The following YEATS4 variants were observed in gnomAD, a reference collection of about 807,000 sequenced individuals.
YEATS4 encodes the protein YEATS domain-containing protein 4.
A neutral mutation model predicts 30.1 loss-of-function variants in YEATS4; 17 were observed. The ratio of observed to expected loss-of-function variants is 0.56; its 90% CI spans 0.39 to 0.85. The LOEUF (loss-of-function observed/expected upper bound fraction) is 0.85. YEATS4 is among the 40% of genes least tolerant of loss of function. The pLI, the probability that YEATS4 is intolerant of heterozygous loss-of-function variation, is 0.00. For missense variants in YEATS4, 142 were observed against 268.3 expected (o/e 0.53, Z 3.29); for synonymous variants, 85 against 87.5 (o/e 0.97, Z 0.16).
the YEATS4 span, among the ~76,000 whole-genome samples, chr12:69,425,269 G>T: frequency 1.1e-4 from 16 of 152,168 alleles, no homozygotes; most frequent in Non-Finnish European, 7.4e-5. Flanking sequence ...TCGGAGGCCA[G>T]AGACTCTGTT....
At chr12:69,421,499 G>A in the YEATS4 span, among the ~76,000 whole-genome samples, 1 of 152,052 alleles carries the variant, frequency 6.6e-6, no homozygotes, top group Non-Finnish European at 1.5e-5. Context: ...AGGAATCTAG[G>A]AGAACCAGGA....
chr12:69,366,729 T>G (rs924359144), intron 4 of YEATS4, among the ~76,000 whole-genome samples: 1 of 152,200 alleles, frequency 6.6e-6, no homozygotes, highest in Non-Finnish European at 1.5e-5. Flanking sequence ...CACATCAGTC[T>G]TTTAGCACCA....
At chr12:69,411,051 G>A in the YEATS4 span, among the ~76,000 whole-genome samples, 6 of 152,332 alleles carry the variant, frequency 3.9e-5, no homozygotes, top group East Asian at 1.2e-3. Flanking sequence ...GCATAAGCAT[G>A]CAAGTGTGTA....
the YEATS4 span, among the ~76,000 whole-genome samples, chr12:69,402,725 C>CTTTTTTTTTTTTT: frequency 1.1e-4 from 13 of 113,114 alleles, no homozygotes; most frequent in Non-Finnish European, 1.5e-4. Flanking sequence ...TCTTTCTTTT[C>CTTTTTTTTTTTTT]TTTTTTTTTT....
chr12:69,377,452 G>GA (rs146041012), intron 6 of YEATS4, among the ~76,000 whole-genome samples: 35,575 of 151,430 alleles, frequency 0.23, 4,987 homozygotes, highest in African/African-American at 0.4. Flanking sequence ...TGGAGCTGGG[G>GA]ATCTCGCTGT....
chr12:69,362,013 G>GTTTTTGTTTTTTTTTTTTTT (rs1555174243), intron 1 of YEATS4, among the ~76,000 whole-genome samples: 32 of 69,070 alleles, frequency 4.6e-4, no homozygotes, highest in Non-Finnish European at 6.6e-4. Flanking sequence ...GTGTTTGGTT[G>GTTTTTGTTTTTTTTTTTTTT]TTTTTTTTTT....
intron 6 of YEATS4, among the ~76,000 whole-genome samples, chr12:69,388,083 A>T (rs928051061): frequency 2.0e-5 from 3 of 149,962 alleles, no homozygotes; most frequent in African/African-American, 7.4e-5. Flanking sequence ...TTTGAGGCAG[A>T]GTCTCGCGCT....
At chr12:69,425,507 T>C in the YEATS4 span, among the ~76,000 whole-genome samples, 1 of 152,184 alleles carries the variant, frequency 6.6e-6, no homozygotes, top group Non-Finnish European at 1.5e-5. Flanking sequence ...ACCTCAGGCA[T>C]GGCCTCCATT....
At chr12:69,406,007 A>T in the YEATS4 span, among the ~76,000 whole-genome samples, 1 of 152,206 alleles carries the variant, frequency 6.6e-6, no homozygotes, top group Non-Finnish European at 1.5e-5. Flanking sequence ...CCTATGTTCC[A>T]CTATATGAAT....
At chr12:69,362,014 T>TTTTTGTTTTG (rs1491396701) in intron 1 of YEATS4, among the ~76,000 whole-genome samples, 2 of 83,100 alleles carry the variant, frequency 2.4e-5, no homozygotes. Context: ...TGTTTGGTTG[T>TTTTTGTTTTG]TTTTTTTTTT....
At chr12:69,398,271 A>G in the YEATS4 span, among the ~76,000 whole-genome samples, 1 of 152,170 alleles carries the variant, frequency 6.6e-6, no homozygotes. Context: ...CTCTATTTGG[A>G]GATGACATAA....
the YEATS4 span, among the ~76,000 whole-genome samples, chr12:69,421,961 C>A: frequency 1.3e-5 from 2 of 152,166 alleles, no homozygotes; most frequent in African/African-American, 4.8e-5. Flanking sequence ...GCAACCCCTG[C>A]TTTAAGGGCT....
rs1383613024 is a variant in YEATS4 at position 69,362,815 on chromosome 12, T to C, written c.79T>C (p.Tyr27His). Residue 27 changes from tyrosine (Y) to histidine (H), a missense_variant, in exon 2 of 7, where the codon TAC becomes CAC. This residue lies in a region of YEATS4 where 25 missense variants were observed against 35.7 expected (regional missense o/e 0.70). Transcript: ENST00000247843. Reference sequence around the variant, plus strand: ...TGTTACTATCGTTAAACCAATAGTTTACGGTAATGTTGCTCGGTATTTTGG... The same window carrying C: ...TGTTACTATCGTTAAACCAATAGTTCACGGTAATGTTGCTCGGTATTTTGG... Reference protein sequence around the residue: ...KGVTIVKPIVYGNVARYFGKK... With the variant: ...KGVTIVKPIVHGNVARYFGKK... The C allele has an allele frequency of 1.9e-6, 3 of 1,610,924 alleles. No homozygotes were observed. Among genetic ancestry groups the C allele is most frequent in the Non-Finnish European group, 2.5e-6 (3 of 1,177,934 alleles).
chr12:69,360,933 C>T (rs1282277165), intron 1 of YEATS4, among the ~76,000 whole-genome samples: 3 of 151,788 alleles, frequency 2.0e-5, no homozygotes, highest in Admixed American at 2.0e-4. Flanking sequence ...CAAGGTGGCT[C>T]ACGCCTGTAA....
the YEATS4 span, among the ~76,000 whole-genome samples, chr12:69,418,885 T>C: frequency 6.6e-6 from 1 of 151,808 alleles, no homozygotes; most frequent in Admixed American, 6.6e-5. Flanking sequence ...GGAGTTCAAG[T>C]TCAGCCTGGG....
chr12:69,381,896 A>G (rs1876094371), intron 6 of YEATS4, among the ~76,000 whole-genome samples: 1 of 152,202 alleles, frequency 6.6e-6, no homozygotes, highest in African/African-American at 2.4e-5. Flanking sequence ...AAACAGAGAA[A>G]TGTAATTCCA....
chr12:69,370,888 A>G lies in YEATS4; in HGVS notation c.427A>G (p.Ile143Val). ...GTTTTTGTTCATTTTATCCCATTAG[A>G]TATTTCAAGACCCAACAGCAATGAT... is the stretch of plus-strand genomic sequence containing the variant. ...TVVSEFYDEM[I>V]FQDPTAMMQQ... The change falls in exon 6 of 7, where the codon ATA becomes GTA. Residue 143 changes from isoleucine (I) to valine (V), a missense_variant and splice_region_variant. Around this residue, in one of 3 missense-constraint regions of YEATS4, gnomAD observed 64 missense variants for 164.0 expected, o/e 0.39. Coordinates refer to ENST00000247843, the MANE Select transcript of YEATS4 (RefSeq NM_006530.4). The G allele has an allele frequency of 6.2e-7, 1 of 1,612,632 alleles. No homozygotes were observed. Among genetic ancestry groups the G allele is most frequent in the Non-Finnish European group, 8.5e-7 (1 of 1,179,524 alleles).
rs1868304214 is a variant in YEATS4, at chr12:69,390,439, A to G, written c.*123A>G. 1 of 859,706 alleles carries G rather than the reference A, an allele frequency of 1.2e-6. No individual in the cohort carries two copies. Among genetic ancestry groups the G allele is most frequent in the African/African-American group, 1.8e-5 (1 of 56,286 alleles). 53.3% of individuals were successfully genotyped at this position (859,706 alleles called of 1,614,324 possible). ...GGAACTTCATATACAGCTGTTGACC[A>G]TGAATTTCTTAGCAATAGGAATTTG... On this transcript the variant is annotated 3_prime_UTR_variant, in exon 7 of 7. Transcript: ENST00000247843.
intron 2 of YEATS4, among the ~76,000 whole-genome samples, chr12:69,365,215 C>T (rs527953484): frequency 2.0e-5 from 3 of 151,756 alleles, no homozygotes; most frequent in South Asian, 2.1e-4. Context: ...ACTGGTAGGG[C>T]GAGGCAGGTG....
Sources: allele counts gnomAD v4.1 joint callset (sites outside exome capture counted in the v4.1 genomes callset), GRCh38; gene constraint gnomAD v4.1.1; regional missense constraint gnomAD v4.1.1; transcripts MANE v1.5; gene names NCBI Gene and HGNC (gene_info 2026-07-23, HGNC 2026-07-21).